CYSTM1: variants seen among roughly 807,000 people sequenced by gnomAD.
CYSTM1 encodes cysteine-rich transmembrane module-containing protein 1.
A neutral mutation model predicts 13.1 loss-of-function variants in CYSTM1; 4 were observed. The ratio of observed to expected loss-of-function variants is 0.31; its 90% CI spans 0.15 to 0.70. CYSTM1 has a LOEUF of 0.70. Among genes scored for constraint, CYSTM1 ranks in the 30% least tolerant of loss-of-function variants. The pLI is 0.72. For missense variants in CYSTM1, 96 were observed against 121.6 expected (o/e 0.79, Z 0.99); for synonymous variants, 36 against 42.7 (o/e 0.84, Z 0.62).
At chr5:140,181,669 A>G (rs1763963584) in intron 1 of CYSTM1, among the ~76,000 whole-genome samples, 1 of 152,132 alleles carries the variant, frequency 6.6e-6, no homozygotes, top group African/African-American at 2.4e-5. Context: ...TATATTTCAT[A>G]GAGATGGGGG....
intron 1 of CYSTM1, among the ~76,000 whole-genome samples, chr5:140,190,890 C>G (rs1050831827): frequency 6.6e-6 from 1 of 152,196 alleles, no homozygotes; most frequent in Non-Finnish European, 1.5e-5. Context: ...TAAAACACTT[C>G]ACTAGAGTAG....
chr5:140,231,052 A>G (rs1029335391), intron 2 of CYSTM1, among the ~76,000 whole-genome samples: 11 of 152,232 alleles, frequency 7.2e-5, no homozygotes, highest in Non-Finnish European at 1.2e-4. Context: ...GTAATTGGTG[A>G]AAGAGTTGAC....
chr5:140,177,078 A>AACAAAAAAAAAC (rs1763899377), intron 1 of CYSTM1, among the ~76,000 whole-genome samples: 1 of 135,544 alleles, frequency 7.4e-6, no homozygotes, highest in African/African-American at 2.6e-5. Context: ...CAAAAAAAAA[A>AACAAAAAAAAAC]AAAAAAAAAT....
Position 140,175,630 on chromosome 5 carries a change from G to A in CYSTM1, c.-21+345G>A, listed in dbSNP as rs1461783676. Among the ~76,000 whole-genome samples the A allele has an allele frequency of 1.3e-5, 2 of 152,266 alleles. No homozygotes were observed. Among genetic ancestry groups the A allele is most frequent in the Non-Finnish European group, 2.9e-5 (2 of 68,050 alleles). ...GGGGCTCGCCACACCCCGTCCCGGGGGACGTCCGCGGGAGGCTTCTGGATT... is the reference window on the plus strand; with the variant it reads ...GGGGCTCGCCACACCCCGTCCCGGGAGACGTCCGCGGGAGGCTTCTGGATT... On this transcript the variant is annotated intron_variant, in intron 1 of 2. Transcript: ENST00000261811. This position sits in a 1 kb window ranked among gnomAD's most constrained non-coding sequence, Gnocchi z 4.9.
At chr5:140,216,893 C>T (rs944821459) in intron 2 of CYSTM1, among the ~76,000 whole-genome samples, 25 of 151,906 alleles carry the variant, frequency 1.6e-4, no homozygotes, top group Non-Finnish European at 3.4e-4. Context: ...CTATGACACA[C>T]ACACACACAC....
At chr5:140,228,588 C>T in intron 2 of CYSTM1, 1 of 394,376 alleles carries the variant, frequency 2.5e-6, no homozygotes, top group African/African-American at 2.1e-5. Context: ...ATCAGCTTGG[C>T]CCCTGCCCTG....
chr5:140,206,034 G>A (rs1221044989), intron 2 of CYSTM1, among the ~76,000 whole-genome samples: 1 of 152,132 alleles, frequency 6.6e-6, no homozygotes, highest in Non-Finnish European at 1.5e-5. Flanking sequence ...GCGGGCTGCT[G>A]CCACCTCTCT....
intron 1 of CYSTM1, among the ~76,000 whole-genome samples, chr5:140,178,819 C>T (rs1301592814): frequency 6.6e-6 from 1 of 151,990 alleles, no homozygotes; most frequent in Non-Finnish European, 1.5e-5. Flanking sequence ...CCAGGCTCCC[C>T]TCAAACTCCT....
At chr5:140,213,846 A>G (rs374997648) in intron 2 of CYSTM1, among the ~76,000 whole-genome samples, 2 of 152,238 alleles carry the variant, frequency 1.3e-5, no homozygotes, top group African/African-American at 2.4e-5. Context: ...TGTTCACACA[A>G]TGACAAAAAT....
intron 2 of CYSTM1, among the ~76,000 whole-genome samples, chr5:140,195,910 T>C (rs1368154186): frequency 6.6e-6 from 1 of 151,644 alleles, no homozygotes; most frequent in Non-Finnish European, 1.5e-5. Context: ...CCAGGCGTGG[T>C]GGTACGCGTC....
intron 2 of CYSTM1, among the ~76,000 whole-genome samples, chr5:140,198,020 G>T (rs1764176985): frequency 6.6e-6 from 1 of 152,158 alleles, no homozygotes; most frequent in Admixed American, 6.6e-5. Flanking sequence ...CAACCTTTTG[G>T]AAGCCATGTG....
chr5:140,176,755 T>G (rs1581055440), intron 1 of CYSTM1, among the ~76,000 whole-genome samples: 1 of 152,240 alleles, frequency 6.6e-6, no homozygotes, highest in East Asian at 1.9e-4. Flanking sequence ...TCCCATACTA[T>G]TTGTTGATTG....
intron 1 of CYSTM1, among the ~76,000 whole-genome samples, chr5:140,187,914 A>G (rs1188410492): frequency 6.6e-6 from 1 of 152,152 alleles, no homozygotes; most frequent in Non-Finnish European, 1.5e-5. Context: ...GAAAAAAAAA[A>G]ATTGCAACTA....
intron 1 of CYSTM1, among the ~76,000 whole-genome samples, chr5:140,179,567 A>T (rs1763938889): frequency 6.6e-6 from 1 of 151,992 alleles, no homozygotes; most frequent in Admixed American, 6.6e-5. Flanking sequence ...CTGAAAAATA[A>T]AAATAAAAAT....
chr5:140,221,380 C>T lies in CYSTM1; in HGVS notation c.188-21925C>T, dbSNP rs370202505. ...GTTGAACAACAACTCACCATTTTCT[C>T]CTACCTCCAGCCCCTAGCAACCACC... On this transcript the variant is annotated intron_variant, in intron 2 of 2. Transcript: ENST00000261811. Among the ~76,000 whole-genome samples the T allele has an allele frequency of 3.3e-4, 50 of 152,314 alleles. No individual in the cohort carries two copies. In the East Asian group the frequency reaches 4.2e-3, roughly 13 times the overall value.
Position 140,239,029 on chromosome 5 carries a change from G to C in CYSTM1, c.188-4276G>C, listed in dbSNP as rs1216030690. Among the ~76,000 whole-genome samples, 8 of 152,196 alleles carry C rather than the reference G, an allele frequency of 5.3e-5. No homozygotes were observed. Among genetic ancestry groups the C allele is most frequent in the Non-Finnish European group, 1.5e-5 (1 of 68,038 alleles). ...GCTTCCTCACTCCTGGAGCAAGAAG[G>C]CTGCAGGCATCAGAACCCTCTGGGA... On this transcript the variant is annotated intron_variant, in intron 2 of 2. Transcript: ENST00000261811. This position sits in a 1 kb window ranked among gnomAD's most constrained non-coding sequence, Gnocchi z 5.4.
chr5:140,240,782 GT>G (rs1036420663), intron 2 of CYSTM1, among the ~76,000 whole-genome samples: 14 of 152,072 alleles, frequency 9.2e-5, no homozygotes, highest in Non-Finnish European at 1.5e-5. Flanking sequence ...TGCCTTGGGG[GT>G]TTCTCCTGCG....
chr5:140,196,967 T>C (rs1480222843), intron 2 of CYSTM1, among the ~76,000 whole-genome samples: 1 of 152,208 alleles, frequency 6.6e-6, no homozygotes, highest in Non-Finnish European at 1.5e-5. Context: ...TTCTTCAAGA[T>C]AGATAGTTAT....
intron 2 of CYSTM1, among the ~76,000 whole-genome samples, chr5:140,195,981 G>A (rs903261008): frequency 1.6e-4 from 24 of 151,022 alleles, no homozygotes; most frequent in African/African-American, 5.8e-4. Flanking sequence ...GGAGGCAGAG[G>A]TTGCTGTGAG....
Sources: allele counts gnomAD v4.1 joint callset (sites outside exome capture counted in the v4.1 genomes callset), GRCh38; gene constraint gnomAD v4.1.1; non-coding constraint Gnocchi (gnomAD v3.1); transcripts MANE v1.5; gene names NCBI Gene and HGNC (gene_info 2026-07-23, HGNC 2026-07-21).